TNR: variants seen among roughly 807,000 people sequenced by gnomAD.
The protein encoded by TNR is tenascin-R.
TNR carries 45 observed loss-of-function variants against 150.4 expected under a neutral mutation model. The ratio of observed to expected loss-of-function variants is 0.30; its 90% confidence interval spans 0.24 to 0.38. TNR has a LOEUF of 0.38. TNR is among the 10% of genes least tolerant of loss of function. The pLI, the probability that TNR is intolerant of heterozygous loss-of-function variation, is 1.00. For synonymous variants in TNR, 687 were observed against 678.4 expected (o/e 1.01, Z -0.20); for missense variants, 1,544 against 1,759.1 (o/e 0.88, Z 2.19).
intron 20 of TNR, among the ~76,000 whole-genome samples, chr1:175,331,039 T>TC (rs1649760737): frequency 8.2e-5 from 6 of 73,308 alleles, no homozygotes; most frequent in Non-Finnish European, 1.8e-4. Flanking sequence ...CTTTCTTTCT[T>TC]TCTTTCTTTC....
intron 2 of TNR, among the ~76,000 whole-genome samples, chr1:175,432,098 T>C (rs559867133): frequency 6.6e-5 from 10 of 152,096 alleles, no homozygotes; most frequent in Admixed American, 5.9e-4. Context: ...ACTGGGAGTG[T>C]TGAAGCAGGG....
chr1:175,362,161 C>G (rs933283705), intron 14 of TNR, among the ~76,000 whole-genome samples: 1 of 152,168 alleles, frequency 6.6e-6, no homozygotes, highest in Non-Finnish European at 1.5e-5. Flanking sequence ...CTGCTTTGGT[C>G]CCGGGTGAGG....
intron 1 of TNR, among the ~76,000 whole-genome samples, chr1:175,665,999 C>G (rs1665522524): frequency 6.6e-6 from 1 of 152,178 alleles, no homozygotes. Context: ...TGGAAGGGAA[C>G]AGTTTCTTGA....
chr1:175,397,301 G>A (rs1452981294), intron 4 of TNR, among the ~76,000 whole-genome samples: 1 of 152,118 alleles, frequency 6.6e-6, no homozygotes, highest in African/African-American at 2.4e-5. Flanking sequence ...CCAGCTCCAT[G>A]TTTACTGACG....
chr1:175,350,866 G>C (rs554382087), intron 18 of TNR, among the ~76,000 whole-genome samples: 5 of 152,254 alleles, frequency 3.3e-5, no homozygotes, highest in South Asian at 4.2e-4. Flanking sequence ...GTGGATAAAG[G>C]CAACTTTGGG....
At chr1:175,515,926 T>C (rs978283225) in intron 2 of TNR, among the ~76,000 whole-genome samples, 4 of 152,164 alleles carry the variant, frequency 2.6e-5, no homozygotes, top group African/African-American at 9.7e-5. Context: ...AAGAAAATAG[T>C]AGGAAAGTGG....
chr1:175,359,126 T>C (rs1477710201), intron 15 of TNR, among the ~76,000 whole-genome samples: 2 of 144,408 alleles, frequency 1.4e-5, no homozygotes, highest in African/African-American at 5.4e-5. Context: ...TTTGCAGAGT[T>C]TGGGGATATC....
chr1:175,569,016 G>T (rs1661759300), intron 1 of TNR, among the ~76,000 whole-genome samples: 1 of 151,968 alleles, frequency 6.6e-6, no homozygotes, highest in East Asian at 1.9e-4. Flanking sequence ...TTCTATGCAG[G>T]GACTGCCAAG....
At chr1:175,332,304 C>T (rs947594591) in intron 20 of TNR, among the ~76,000 whole-genome samples, 6 of 152,170 alleles carry the variant, frequency 3.9e-5, no homozygotes, top group African/African-American at 1.4e-4. Flanking sequence ...CCCAAGCTTC[C>T]TTAGGGATCA....
chr1:175,704,244 T>A (rs1666780386), intron 1 of TNR, among the ~76,000 whole-genome samples: 1 of 152,220 alleles, frequency 6.6e-6, no homozygotes, highest in Non-Finnish European at 1.5e-5. Flanking sequence ...ATAAACGAGT[T>A]GTGACTTAAT....
intron 9 of TNR, among the ~76,000 whole-genome samples, chr1:175,375,330 TAA>T (rs1652324066): frequency 6.6e-6 from 1 of 152,050 alleles, no homozygotes; most frequent in Admixed American, 6.6e-5. Context: ...TCATACAGGC[TAA>T]GTGACTGAGA....
rs767690585 is a variant in TNR, at chr1:175,366,139, C to G, written c.2054-1G>C. 2 of 1,593,178 alleles carry G rather than the reference C, an allele frequency of 1.3e-6. No homozygotes were observed. The highest frequency in any genetic ancestry group is 1.7e-5 in the Admixed American group (1 of 58,104). On this transcript the variant is annotated splice_acceptor_variant, in intron 10 of 22. Coordinates refer to ENST00000367674, the MANE Select transcript of TNR (RefSeq NM_003285.3). LOFTEE classifies it high-confidence loss of function. ...ATGAGGTCTCGGGGACTGTCAAGTT[C>G]TGTGGATTGACATAAATGGCCTATT...
At chr1:175,486,254 C>G (rs1448644414) in intron 2 of TNR, among the ~76,000 whole-genome samples, 1 of 152,048 alleles carries the variant, frequency 6.6e-6, no homozygotes, top group Non-Finnish European at 1.5e-5. Flanking sequence ...AGATATTTCT[C>G]CTAGTGCTAT....
At chr1:175,573,190 C>T (rs1253911922) in intron 1 of TNR, among the ~76,000 whole-genome samples, 2 of 152,256 alleles carry the variant, frequency 1.3e-5, no homozygotes, top group Non-Finnish European at 1.5e-5. Flanking sequence ...CCTCCAGCCA[C>T]ACTCCACCAG....
At chr1:175,324,283 T>G in intron 22 of TNR, 73 bp downstream of exon 22, 1 of 1,484,432 alleles carries the variant, frequency 6.7e-7, no homozygotes, top group Non-Finnish European at 9.0e-7. Flanking sequence ...CATGTGCTTT[T>G]AAAATATAAA....
intron 1 of TNR, among the ~76,000 whole-genome samples, chr1:175,628,365 A>G (rs940264677): frequency 1.3e-5 from 2 of 152,070 alleles, no homozygotes; most frequent in African/African-American, 4.8e-5. Context: ...AAAGGGACCT[A>G]TGGGGAAGGG....
chr1:175,721,022 G>A (rs1667284608), intron 1 of TNR, among the ~76,000 whole-genome samples: 1 of 152,144 alleles, frequency 6.6e-6, no homozygotes, highest in African/African-American at 2.4e-5. Context: ...GAGGGCATGG[G>A]ACCCTTGTCT....
chr1:175,727,142 GT>G (rs1667502464), intron 1 of TNR, among the ~76,000 whole-genome samples: 1 of 152,210 alleles, frequency 6.6e-6, no homozygotes, highest in Admixed American at 6.5e-5. Context: ...GGTTGACCTT[GT>G]TGTCTACTTA....
chr1:175,635,923 G>T (rs1420570376), intron 1 of TNR, among the ~76,000 whole-genome samples: 1 of 152,158 alleles, frequency 6.6e-6, no homozygotes, highest in Non-Finnish European at 1.5e-5. Context: ...TCCCTACACA[G>T]ATATCATACA....
Sources: gnomAD v4.1 joint callset for allele counts (sites outside exome capture counted in the v4.1 genomes callset) on GRCh38, gnomAD v4.1.1 for gene constraint, MANE v1.5 for transcripts, NCBI Gene and HGNC (gene_info 2026-07-23, HGNC 2026-07-21) for gene names.